Variants in PRKDC observed in about 807,000 individuals in gnomAD.
The protein encoded by PRKDC is DNA-dependent protein kinase catalytic subunit.
In PRKDC, 82 loss-of-function variants were observed where a neutral mutation model predicts 486.9. The observed-to-expected ratio is 0.17, with a 90% CI of 0.14 to 0.20. PRKDC has a LOEUF of 0.20. Ranked by LOEUF, PRKDC falls within the 10% of genes least tolerant of loss-of-function variation. The probability of loss-of-function intolerance (pLI) is 1.00; values close to 1 mark genes in which losing one functional copy is unlikely to be tolerated. For synonymous variants in PRKDC, 1,895 were observed against 1,837.0 expected (o/e 1.03, Z -0.81); for missense variants, 4,504 against 5,038.2 (o/e 0.89, Z 3.21).
At chr8:47,820,676 C>G in intron 66 of PRKDC, 43 bp downstream of exon 66, 1 of 890,952 alleles carries the variant, frequency 1.1e-6, no homozygotes, top group Non-Finnish European at 1.5e-6. Flanking sequence ...TATATATATA[C>G]ACTATATATA....
chr8:47,938,699 T>C (rs1194368890), intron 11 of PRKDC, among the ~76,000 whole-genome samples: 4 of 152,024 alleles, frequency 2.6e-5, no homozygotes, highest in Non-Finnish European at 5.9e-5. Context: ...GCAGTTGGGA[T>C]TACAGGTATG....
rs1279709823 is a variant in PRKDC, at chr8:47,777,872, A to G, written c.11856T>C (p.Phe3952=). The change falls in exon 84 of 86, where the codon TTT becomes TTC. Residue 3952 remains phenylalanine, a splice_region_variant and synonymous_variant. Transcript: ENST00000314191. ...AAGGCATCAACTCAGGGACTGGCAGAAACTAAACAAGAAAAAAGGCAAGGA... is the reference window on the plus strand; with the variant it reads ...AAGGCATCAACTCAGGGACTGGCAGGAACTAAACAAGAAAAAAGGCAAGGA... ...FGHAFGSATQ[F]LPVPELMPFR... 1 of 1,613,550 alleles carries G rather than the reference A, an allele frequency of 6.2e-7. No individual in the cohort carries two copies. Among genetic ancestry groups the G allele is most frequent in the Non-Finnish European group, 8.5e-7 (1 of 1,179,696 alleles).
Position 47,789,183 on chromosome 8 carries a change from C to T in PRKDC, c.10726G>A (p.Asp3576Asn). The stretch of plus-strand genomic sequence containing the variant: ...AGCAGTTCAGGATTAGAGAGCTGAT[C>T]TAAGGCATTAATAAAATCTTGAATC... ...GVIQDFINAL[D>N]QLSNPELLFK... Residue 3576 changes from aspartate to asparagine, a missense_variant, in exon 75 of 86, where the codon GAT becomes AAT. By Grantham distance (23) the Asp-to-Asn change is conservative. Coordinates refer to ENST00000314191, the MANE Select transcript of PRKDC (RefSeq NM_006904.7). 1 of 1,610,266 alleles carries T rather than the reference C, an allele frequency of 6.2e-7. No homozygotes were observed. Among genetic ancestry groups the T allele is most frequent in the Non-Finnish European group, 8.5e-7 (1 of 1,178,334 alleles).
rs2087146050 is a variant in PRKDC, at chr8:47,803,214, T to C, written c.9922+92A>G. ...TTACTGCAAAGATTTACCTCCCAAA[T>C]GTCAGATGATGCAGCACAAAGAAGA... On this transcript the variant is annotated intron_variant, in intron 70 of 85. Transcript: ENST00000314191. 5 of 1,241,568 alleles carry C rather than the reference T, an allele frequency of 4.0e-6. No homozygotes were observed. The South Asian group carries it at 5.7e-5, about 14-fold the overall frequency. 76.9% of individuals were successfully genotyped at this position (1,241,568 alleles called of 1,614,324 possible). A position where few individuals can be genotyped will look rare whatever the true frequency, so the allele number is the denominator to read the frequency against.
At chr8:47,783,847 T>C in intron 77 of PRKDC, 38 bp from the exon 78 acceptor site, 1 of 1,589,802 alleles carries the variant, frequency 6.3e-7, no homozygotes, top group East Asian at 2.2e-5. Context: ...AACAGCTTGT[T>C]AGACAACCGC....
At chr8:47,927,493 G>C (rs2090173339) in intron 20 of PRKDC, 140 bp from the exon 21 acceptor site, 1 of 1,069,642 alleles carries the variant, frequency 9.3e-7, no homozygotes, top group Non-Finnish European at 1.3e-6. Flanking sequence ...GTTCAGTCCA[G>C]GTAATTAGGA....
Position 47,863,489 on chromosome 8 carries a change from T to A in PRKDC, c.5660A>T (p.Asp1887Val). Residue 1887 changes from aspartate (D) to valine (V), a missense_variant, in exon 42 of 86, where the codon GAT (aspartate) becomes GTT (valine). Physicochemically the swap from Asp to Val is radical, Grantham distance 152. This residue lies in a region of PRKDC where 80 missense variants were observed against 132.3 expected (regional missense o/e 0.60). Transcript: ENST00000314191. ...TTTTGATTCCTTAGCATGAACATCA[T>A]CTTTGGGAAGGCGAGAATACATCAC... ...LDVMYSRLPK[D>V]DVHAKESKIN... The A allele has an allele frequency of 6.2e-7, 1 of 1,612,530 alleles. No individual in the cohort carries two copies. The highest frequency in any genetic ancestry group is 8.5e-7 in the Non-Finnish European group (1 of 1,178,946).
chr8:47,902,856 C>T, intron 26 of PRKDC, 61 bp from the exon 27 acceptor site: 1 of 1,314,340 alleles, frequency 7.6e-7, no homozygotes, highest in East Asian at 2.3e-5. Flanking sequence ...CAACTGAATA[C>T]CCTTGGTCTA....
chr8:47,826,877 T>A lies in PRKDC; in HGVS notation c.8578-16A>T, dbSNP rs1291677190. On this transcript the variant is annotated splice_polypyrimidine_tract_variant and intron_variant, in intron 62 of 85. Transcript: ENST00000314191. ...AGCTAATGTCCTGTGAAACCACACA[T>A]ACAACCAGCTGTTTAGCTTGTGGTA... 1.9e-6 allele frequency: 3 copies of A among 1,553,630 alleles called. No homozygotes were observed. Among genetic ancestry groups the A allele is most frequent in the African/African-American group, 2.7e-5 (2 of 73,762 alleles).
intron 13 of PRKDC, 82 bp from the exon 14 acceptor site, chr8:47,935,140 T>TA: frequency 4.9e-6 from 5 of 1,016,432 alleles, no homozygotes; most frequent in Non-Finnish European, 5.7e-6. Flanking sequence ...AAACAGTCAT[T>TA]ATATTTTGGA....
chr8:47,876,238 T>A (rs1205596048), intron 40 of PRKDC, among the ~76,000 whole-genome samples: 3 of 152,324 alleles, frequency 2.0e-5, no homozygotes, highest in African/African-American at 2.4e-5. Flanking sequence ...AAGTTTATGA[T>A]CTGTAAAATA....
In PRKDC at chr8:47,782,891, A is replaced by G. The variant is rs2086721609; in HGVS notation, c.11176-293T>C. On this transcript the variant is annotated intron_variant, in intron 78 of 85. Transcript: ENST00000314191. The surrounding 1 kb of genome is among the most constrained non-coding windows in gnomAD (Gnocchi z 4.9). The stretch of plus-strand genomic sequence containing the variant: ...CTACAGTAGTAAGCTAATGCTACAC[A>G]TATTTTATAGTGGATACTCACACAC... The G allele has an allele frequency of 6.6e-6, 3 of 452,164 alleles. No homozygotes were observed. The highest frequency in any genetic ancestry group is 1.2e-5 in the Non-Finnish European group (3 of 247,948). The allele number at this position is 452,164 out of a possible 1,614,324, so 28.0% of individuals were successfully genotyped here.
In PRKDC at chr8:47,826,785, T is replaced by C. The variant is rs2154499224; in HGVS notation, c.8654A>G (p.Gln2885Arg). ...AVSAGCLASL[Q>R]QPVGIRLLEE... The stretch of plus-strand genomic sequence containing the variant: ...TAGCAGGCGGATGCCCACGGGCTGC[T>C]GTAGGCTGGCCAGGCAACCAGCGCT... Residue 2885 changes from glutamine (Q) to arginine (R), a missense_variant, in exon 63 of 86, where the codon CAG becomes CGG. Transcript: ENST00000314191. 2.5e-6 allele frequency: 4 copies of C among 1,610,556 alleles called. No homozygotes were observed. Among genetic ancestry groups the C allele is most frequent in the Non-Finnish European group, 3.4e-6 (4 of 1,178,628 alleles).
At chr8:47,831,212 G>T (rs1054018559) in intron 60 of PRKDC, among the ~76,000 whole-genome samples, 2 of 152,206 alleles carry the variant, frequency 1.3e-5, no homozygotes, top group Non-Finnish European at 2.9e-5. Context: ...TGGCTGGGCG[G>T]CAGGGCTTGG....
intron 60 of PRKDC, among the ~76,000 whole-genome samples, chr8:47,831,151 C>A (rs2087861100): frequency 6.6e-6 from 1 of 152,130 alleles, no homozygotes; most frequent in Admixed American, 6.5e-5. Flanking sequence ...TCCGAGGGGG[C>A]AAAACAGTGC....
At chr8:47,807,110 G>A in intron 69 of PRKDC, 27 bp downstream of exon 69, 1 of 1,601,144 alleles carries the variant, frequency 6.2e-7, no homozygotes, top group South Asian at 1.1e-5. Context: ...CTGTGACACA[G>A]CAGGGAGGAC....
chr8:47,878,558 G>A (rs1049613408), intron 39 of PRKDC, among the ~76,000 whole-genome samples: 7 of 152,062 alleles, frequency 4.6e-5, no homozygotes, highest in South Asian at 2.1e-4. Context: ...TTTCCACACC[G>A]TCCTCGCTAC....
chr8:47,949,837 G>C (rs2090598575), intron 7 of PRKDC, among the ~76,000 whole-genome samples: 1 of 152,134 alleles, frequency 6.6e-6, no homozygotes, highest in African/African-American at 2.4e-5. Flanking sequence ...AAGAAGGCAT[G>C]GGTAGAAACA....
Position 47,782,301 on chromosome 8 carries a change from TC to T in PRKDC, c.11397-48del. On this transcript the variant is annotated intron_variant, in intron 79 of 85. Transcript: ENST00000314191. The surrounding 1 kb of genome is among the most constrained non-coding windows in gnomAD (Gnocchi z 4.9). ...TAACGAGTAAACCCAAACTGCTCTT[TC>T]TTCACTAGAAAAACAGTCCCGTGGA... The T allele has an allele frequency of 6.2e-7, 1 of 1,611,558 alleles. No homozygotes were observed. Among genetic ancestry groups the T allele is most frequent in the African/African-American group, 1.3e-5 (1 of 75,010 alleles).
Sources: gnomAD v4.1 joint callset for allele counts (sites outside exome capture counted in the v4.1 genomes callset) on GRCh38, gnomAD v4.1.1 for gene constraint, gnomAD v4.1.1 regional missense constraint, Gnocchi (gnomAD v3.1) non-coding constraint, MANE v1.5 for transcripts, NCBI Gene and HGNC (gene_info 2026-07-23, HGNC 2026-07-21) for gene names.